ENDOV: variants seen among roughly 807,000 people sequenced by gnomAD.
ENDOV encodes endonuclease V, also known as hEndoV.
A neutral mutation model predicts 39.4 loss-of-function variants in ENDOV; 37 were observed. That is an observed-to-expected ratio of 0.94 (90% CI 0.72 to 1.23). The LOEUF (loss-of-function observed/expected upper bound fraction) is 1.23, where lower values mean the gene tolerates loss of function less well. ENDOV is among the 50% of genes most tolerant of loss of function. ENDOV has a pLI of 0.00. For missense variants in ENDOV, 441 were observed against 375.7 expected (o/e 1.17, Z -1.44); for synonymous variants, 186 against 163.4 (o/e 1.14, Z -1.05).
chr17:80,435,772 GC>G (rs1364251696), intron 9 of ENDOV, among the ~76,000 whole-genome samples: 1 of 149,296 alleles, frequency 6.7e-6, no homozygotes, highest in African/African-American at 2.4e-5. Flanking sequence ...CCGCCACCAC[GC>G]CCAGCTAATT....
At chr17:80,415,331 A>C (rs866227881) in intron 1 of ENDOV, 81 bp downstream of exon 1, 2 of 1,522,352 alleles carry the variant, frequency 1.3e-6, no homozygotes, top group Non-Finnish European at 1.8e-6. Context: ...CATAGTCTTC[A>C]GGCTGTGGAA....
chr17:80,432,714 A>G (rs970176657), intron 9 of ENDOV, among the ~76,000 whole-genome samples: 7 of 152,136 alleles, frequency 4.6e-5, no homozygotes, highest in African/African-American at 1.2e-4. Flanking sequence ...GACAGAGCCA[A>G]TGCTGGCGAT....
At chr17:80,421,437 G>A (rs1055085601) in intron 2 of ENDOV, among the ~76,000 whole-genome samples, 3 of 148,664 alleles carry the variant, frequency 2.0e-5, no homozygotes, top group Non-Finnish European at 4.5e-5. Context: ...TGGGAGTTGG[G>A]GCTCCTCCAG....
chr17:80,416,463 A>G (rs1342562152), intron 2 of ENDOV, among the ~76,000 whole-genome samples: 1 of 151,890 alleles, frequency 6.6e-6, no homozygotes, highest in Non-Finnish European at 1.5e-5. Flanking sequence ...GTCCAGTTGC[A>G]CACTAGCTCG....
intron 2 of ENDOV, among the ~76,000 whole-genome samples, chr17:80,421,491 A>C (rs1443411123): frequency 2.3e-5 from 2 of 88,376 alleles, no homozygotes; most frequent in Non-Finnish European, 4.2e-5. Flanking sequence ...ACCGGGTCCC[A>C]GGGGGCTGCT....
chr17:80,431,104 A>G (rs2083303099), intron 9 of ENDOV, among the ~76,000 whole-genome samples: 1 of 152,178 alleles, frequency 6.6e-6, no homozygotes, highest in Admixed American at 6.5e-5. Flanking sequence ...CCTGACCTCT[A>G]CAAGAAGGGG....
intron 9 of ENDOV, among the ~76,000 whole-genome samples, chr17:80,435,244 A>T (rs189035188): frequency 5.9e-5 from 9 of 152,214 alleles, no homozygotes; most frequent in African/African-American, 2.2e-4. Context: ...GATGAAGTCC[A>T]TCTATTTTGT....
Position 80,436,433 on chromosome 17 carries a change from C to G in ENDOV, c.*290C>G, listed in dbSNP as rs934927695. ...ATTTTCAAGGATGCTCTTCATCCAG[C>G]TGAAGACGGTCCCTTCTAGTCCTAA... On this transcript the variant is annotated 3_prime_UTR_variant, in exon 10 of 10. Coordinates refer to ENST00000518137, the MANE Select transcript of ENDOV (RefSeq NM_173627.5). The G allele has an allele frequency of 3.2e-6, 4 of 1,250,688 alleles. No homozygotes were observed. Among genetic ancestry groups the G allele is most frequent in the Non-Finnish European group, 4.2e-6 (4 of 948,838 alleles). 77.5% of individuals were successfully genotyped at this position (1,250,688 alleles called of 1,614,324 possible). A position where few individuals can be genotyped will look rare whatever the true frequency, so the allele number is the denominator to read the frequency against.
At chr17:80,434,137 C>T (rs1000590643) in intron 9 of ENDOV, among the ~76,000 whole-genome samples, 2 of 152,146 alleles carry the variant, frequency 1.3e-5, no homozygotes, top group Non-Finnish European at 2.9e-5. Context: ...GGCACCATGC[C>T]GACGTGGAAT....
At chr17:80,422,001 C>T (rs1189350942) in intron 3 of ENDOV, 39 bp downstream of exon 3, 23 of 1,600,432 alleles carry the variant, frequency 1.4e-5, no homozygotes, top group Non-Finnish European at 2.0e-5. Flanking sequence ...AAGGTCCCTC[C>T]TTCCCCCTGG....
chr17:80,422,669 A>T (rs1320235007), intron 4 of ENDOV, among the ~76,000 whole-genome samples: 1 of 152,004 alleles, frequency 6.6e-6, no homozygotes, highest in Non-Finnish European at 1.5e-5. Flanking sequence ...TGATGCCAGG[A>T]ACCTTGGCCT....
intron 5 of ENDOV, 84 bp from the exon 6 acceptor site, chr17:80,424,948 C>G: frequency 8.4e-7 from 1 of 1,186,836 alleles, no homozygotes; most frequent in Non-Finnish European, 1.2e-6. Flanking sequence ...GTGCGACACT[C>G]CGTCTCAAAA....
chr17:80,422,394 C>G, intron 4 of ENDOV, 149 bp downstream of exon 4: 1 of 947,712 alleles, frequency 1.1e-6, no homozygotes, highest in Non-Finnish European at 1.6e-6. Context: ...AACGGGGACG[C>G]GCAGTGCGCT....
At chr17:80,430,160 G>A (rs1346060015) in intron 9 of ENDOV, 1 of 1,501,398 alleles carries the variant, frequency 6.7e-7, no homozygotes, top group Admixed American at 2.1e-5. Flanking sequence ...GTCATCGGCT[G>A]GTCAGCTGTG....
intron 1 of ENDOV, 169 bp from the exon 2 acceptor site, chr17:80,415,481 C>T (rs2080973918): frequency 4.7e-6 from 5 of 1,062,516 alleles, no homozygotes; most frequent in Admixed American, 2.9e-5. Flanking sequence ...TTGCGCGGGT[C>T]TCCGCCGCCT....
At chr17:80,419,786 A>C in intron 2 of ENDOV, 1 of 664,448 alleles carries the variant, frequency 1.5e-6, no homozygotes, top group Non-Finnish European at 2.8e-6. Flanking sequence ...CTCAGAATCA[A>C]ATGCAGGAAC....
chr17:80,415,911 C>T (rs900957306), intron 2 of ENDOV, 90 bp downstream of exon 2: 2 of 1,461,046 alleles, frequency 1.4e-6, no homozygotes, highest in Non-Finnish European at 1.8e-6. Context: ...AAGCGTAGAA[C>T]CCGGCTTCTC....
At chr17:80,427,944 C>G (rs996087978) in intron 7 of ENDOV, 1 of 1,128,824 alleles carries the variant, frequency 8.9e-7, no homozygotes, top group Non-Finnish European at 1.1e-6. Context: ...TTCCATGAGT[C>G]GTGCAGCCCT....
intron 9 of ENDOV, chr17:80,433,018 C>T: frequency 2.2e-6 from 1 of 456,100 alleles, no homozygotes; most frequent in Non-Finnish European, 4.4e-6. Context: ...GGCTCAGCAC[C>T]CCCTGCCCCA....
Sources: allele counts gnomAD v4.1 joint callset (sites outside exome capture counted in the v4.1 genomes callset), GRCh38; gene constraint gnomAD v4.1.1; transcripts MANE v1.5; gene names NCBI Gene and HGNC (gene_info 2026-07-23, HGNC 2026-07-21).